Variants in DGCR6L observed in about 807,000 individuals in gnomAD.
DGCR6L encodes the protein protein DGCR6L.
DGCR6L carries 24 observed loss-of-function variants against 31.1 expected under a neutral mutation model. The observed-to-expected ratio is 0.77, with a 90% CI of 0.56 to 1.08. The LOEUF is 1.08. Among genes scored for constraint, DGCR6L ranks in the 50% least tolerant of loss-of-function variants. The probability of loss-of-function intolerance (pLI) is 0.00; values close to 1 mark genes in which losing one functional copy is unlikely to be tolerated. For missense variants in DGCR6L, 218 were observed against 287.1 expected (o/e 0.76, Z 1.74); for synonymous variants, 104 against 126.1 (o/e 0.82, Z 1.17).
At chr22:20,315,083 C>G (rs2051561821) in intron 4 of DGCR6L, 3 of 1,187,992 alleles carry the variant, frequency 2.5e-6, no homozygotes, top group African/African-American at 1.5e-5. Flanking sequence ...GGGAGGGGAG[C>G]AGAAGAGGGC....
chr22:20,316,603 C>T (rs925267787), intron 2 of DGCR6L, among the ~76,000 whole-genome samples: 1 of 152,222 alleles, frequency 6.6e-6, no homozygotes, highest in Non-Finnish European at 1.5e-5. Flanking sequence ...CCACCTCAGG[C>T]AAAGGCATGG....
intron 4 of DGCR6L, 63 bp downstream of exon 4, chr22:20,315,273 A>T: frequency 6.4e-7 from 1 of 1,563,890 alleles, no homozygotes; most frequent in Non-Finnish European, 8.7e-7. Context: ...CCAGCAGTAA[A>T]ACCCCAGATG....
At chr22:20,319,498 C>T in intron 2 of DGCR6L, 141 bp downstream of exon 2, 2 of 1,416,012 alleles carry the variant, frequency 1.4e-6, no homozygotes, top group Admixed American at 2.8e-5. Context: ...CTGTCTCAGT[C>T]TCTGCGCCCG....
At position 20,315,304 on chromosome 22, in the gene DGCR6L, C is replaced by T. The variant is rs867900339; in HGVS notation, c.513+32G>A. On this transcript the variant is annotated intron_variant, in intron 4 of 4. Coordinates refer to ENST00000248879, the MANE Select transcript of DGCR6L (RefSeq NM_033257.4). Reference sequence around the variant, plus strand: ...AGATGGAATGGGGCCCCGGGGCACTCGGGCTAGGGCAGAGCAGGCCCAGGC... The same window carrying T: ...AGATGGAATGGGGCCCCGGGGCACTTGGGCTAGGGCAGAGCAGGCCCAGGC... 16 of 1,598,162 alleles carry T rather than the reference C, an allele frequency of 1.0e-5. No individual in the cohort carries two copies. The African/African-American group carries it at 1.2e-4, about 12-fold the overall frequency.
intron 3 of DGCR6L, 126 bp from the exon 4 acceptor site, chr22:20,315,602 A>G: frequency 7.1e-7 from 1 of 1,410,338 alleles, no homozygotes; most frequent in South Asian, 1.4e-5. Context: ...CTCTGACACC[A>G]CCGGTGCATC....
Position 20,314,583 on chromosome 22 carries a change from T to C in DGCR6L, c.*92A>G. 6.9e-7 allele frequency: 1 copy of C among 1,455,680 alleles called. No homozygotes were observed. The highest frequency in any genetic ancestry group is 1.4e-5 in the South Asian group (1 of 71,410). 90.2% of individuals were successfully genotyped at this position (1,455,680 alleles called of 1,614,324 possible). A position where few individuals can be genotyped will look rare whatever the true frequency, so the allele number is the denominator to read the frequency against. ...AGGCAGCTGGGGTCCACCTGGTCTC[T>C]CCTCAGCAGGGGGAACCCCCTGCGG... is the stretch of plus-strand genomic sequence containing the variant. On this transcript the variant is annotated 3_prime_UTR_variant, in exon 5 of 5. Transcript: ENST00000248879.
At chr22:20,319,519 C>A in intron 2 of DGCR6L, 120 bp downstream of exon 2, 1 of 1,453,040 alleles carries the variant, frequency 6.9e-7, no homozygotes, top group South Asian at 1.4e-5. Flanking sequence ...TTGATTTTGT[C>A]AATCTTAGAG....
intron 3 of DGCR6L, 59 bp from the exon 4 acceptor site, chr22:20,315,535 C>A: frequency 6.3e-7 from 1 of 1,583,280 alleles, no homozygotes. Flanking sequence ...CATCAGGGGG[C>A]GGGGAGGTGA....
chr22:20,316,753 C>G (rs748376519), intron 2 of DGCR6L, among the ~76,000 whole-genome samples: 1 of 152,230 alleles, frequency 6.6e-6, no homozygotes, highest in East Asian at 1.9e-4. Flanking sequence ...AGCCCCCGCA[C>G]AGCGCCAGAG....
In DGCR6L at chr22:20,319,977, G is replaced by T. The variant is rs746329558; in HGVS notation, c.12C>A (p.Tyr4Ter). 2.5e-6 allele frequency: 4 copies of T among 1,594,770 alleles called. No homozygotes were observed. The highest frequency in any genetic ancestry group is 1.7e-5 in the Admixed American group (1 of 57,256). Residue 4 changes from tyrosine to a stop codon, truncating the protein, a stop_gained, in exon 1 of 5, where the codon TAC becomes TAA. Transcript: ENST00000248879. LOFTEE classifies it high-confidence loss of function. ...CCGCCACCTCCTCCAAGGCGGCCGC[G>T]TAGCGCTCCATGGCGCGGACGCCCG... MER[Y>*]AAALEEVADG... is the part of the protein sequence containing the mutation.
chr22:20,315,172 TG>T, intron 4 of DGCR6L, 163 bp downstream of exon 4: 1 of 1,493,552 alleles, frequency 6.7e-7, no homozygotes, highest in Non-Finnish European at 9.0e-7. Flanking sequence ...GGAATGGGCC[TG>T]GCCTCCGTGC....
At chr22:20,315,842 C>A (rs752675569) in intron 3 of DGCR6L, among the ~76,000 whole-genome samples, 1 of 152,188 alleles carries the variant, frequency 6.6e-6, no homozygotes, top group Non-Finnish European at 1.5e-5. Flanking sequence ...CCTTTGTACC[C>A]CCCTGAGGCC....
At chr22:20,319,398 G>C (rs1479299356) in intron 2 of DGCR6L, among the ~76,000 whole-genome samples, 3 of 152,256 alleles carry the variant, frequency 2.0e-5, no homozygotes, top group Non-Finnish European at 4.4e-5. Context: ...TGGGGCACAG[G>C]GAAGCCCGAA....
intron 2 of DGCR6L, among the ~76,000 whole-genome samples, chr22:20,316,968 G>A (rs530682011): frequency 7.6e-4 from 116 of 152,360 alleles, no homozygotes; most frequent in African/African-American, 2.6e-3. Context: ...AAACCACCAT[G>A]AAACAGAACA....
In DGCR6L at chr22:20,316,200, C is replaced by T; in HGVS notation, c.291G>A (p.Arg97=). The T allele has an allele frequency of 6.2e-7, 1 of 1,606,624 alleles. No homozygotes were observed. The highest frequency in any genetic ancestry group is 8.5e-7 in the Non-Finnish European group (1 of 1,178,108). The change falls in exon 3 of 5, where the codon CGG becomes CGA. Residue 97 remains arginine (R), a synonymous_variant. Coordinates refer to ENST00000248879, the MANE Select transcript of DGCR6L (RefSeq NM_033257.4). The stretch of plus-strand genomic sequence containing the variant: ...CCTGCTGGGCTTCCTGGTGCTTCTG[C>T]CGCAGCGCCTGCCTGAGCACTGGGA... ...NEHRVLRQAL[R]QKHQEAQQAC... is the part of the protein sequence containing the mutation.
In DGCR6L at chr22:20,319,860, G is replaced by A. The variant is rs1050559356; in HGVS notation, c.110+19C>T. The stretch of plus-strand genomic sequence containing the variant: ...AACGAAGCCGCCTCCGCAGGCCTCC[G>A]CCCGCCCCGCCTGCGTACCTGGGCA... On this transcript the variant is annotated intron_variant, in intron 1 of 4. Transcript: ENST00000248879. 1 of 1,590,852 alleles carries A rather than the reference G, an allele frequency of 6.3e-7. No homozygotes were observed. The highest frequency in any genetic ancestry group is 8.5e-7 in the Non-Finnish European group (1 of 1,169,648).
In DGCR6L at chr22:20,319,983, C is replaced by A. The variant is rs2051598489; in HGVS notation, c.6G>T (p.Glu2Asp). Residue 2 changes from glutamate to aspartate, a missense_variant, in exon 1 of 5, where the codon GAG becomes GAT. Physicochemically the swap from Glu to Asp is conservative, Grantham distance 45 (BLOSUM62 2). Coordinates refer to ENST00000248879, the MANE Select transcript of DGCR6L (RefSeq NM_033257.4). The stretch of plus-strand genomic sequence containing the variant: ...CCTCCTCCAAGGCGGCCGCGTAGCG[C>A]TCCATGGCGCGGACGCCCGCTAGCC... MERYAAALEEVA... is the reference protein window; with the variant it reads MDRYAAALEEVA... 2 of 1,580,604 alleles carry A rather than the reference C, an allele frequency of 1.3e-6. No homozygotes were observed. Among genetic ancestry groups the A allele is most frequent in the Non-Finnish European group, 1.7e-6 (2 of 1,166,928 alleles).
At chr22:20,315,187 G>C in intron 4 of DGCR6L, 149 bp downstream of exon 4, 1 of 1,517,942 alleles carries the variant, frequency 6.6e-7, no homozygotes, top group East Asian at 2.5e-5. Flanking sequence ...TCCGTGCTGG[G>C]AATGGCACAG....
Position 20,319,859 on chromosome 22 carries a change from C to T in DGCR6L, c.110+20G>A, listed in dbSNP as rs768355224. 23 of 1,591,674 alleles carry T rather than the reference C, an allele frequency of 1.4e-5. No homozygotes were observed. In the South Asian group the frequency reaches 1.9e-4, roughly 13 times the overall value. On this transcript the variant is annotated intron_variant, in intron 1 of 4. Coordinates refer to ENST00000248879, the MANE Select transcript of DGCR6L (RefSeq NM_033257.4). Reference sequence around the variant, plus strand: ...AAACGAAGCCGCCTCCGCAGGCCTCCGCCCGCCCCGCCTGCGTACCTGGGC... The same window carrying T: ...AAACGAAGCCGCCTCCGCAGGCCTCTGCCCGCCCCGCCTGCGTACCTGGGC...
Sources: allele counts gnomAD v4.1 joint callset (sites outside exome capture counted in the v4.1 genomes callset), GRCh38; gene constraint gnomAD v4.1.1; transcripts MANE v1.5; gene names NCBI Gene and HGNC (gene_info 2026-07-23, HGNC 2026-07-21).